Variants in CDKN2B-AS1 observed in about 807,000 individuals in gnomAD.
CDKN2B-AS1 encodes the protein CDKN2B and CDKN2A antisense cis and trans regulatory RNA 1, also known as CDKN2B antisense RNA 1 (non-protein coding).
At chr9:22,013,141 C>T (rs1042398731) in intron 1 of CDKN2B-AS1, among the ~76,000 whole-genome samples, 1 of 152,184 alleles carries the variant, frequency 6.6e-6, no homozygotes, top group Non-Finnish European at 1.5e-5. Flanking sequence ...ATTTCCTCCT[C>T]TTTTGAGGAC....
chr9:22,110,462 C>G (rs769044773), intron 4 of CDKN2B-AS1, among the ~76,000 whole-genome samples: 1 of 152,230 alleles, frequency 6.6e-6, no homozygotes, highest in South Asian at 2.1e-4. Flanking sequence ...AGATACAGTA[C>G]TTTTTGGTAT....
chr9:22,012,263 C>T, intron 1 of CDKN2B-AS1: 6 of 1,442,578 alleles, frequency 4.2e-6, no homozygotes, highest in Non-Finnish European at 5.8e-6. Flanking sequence ...GGAGGGTATC[C>T]CCCCTGACAA....
chr9:22,010,873 T>C (rs928796227), intron 1 of CDKN2B-AS1, among the ~76,000 whole-genome samples: 5 of 152,162 alleles, frequency 3.3e-5, no homozygotes, highest in Non-Finnish European at 5.9e-5. Flanking sequence ...TTTTCTTAGG[T>C]AGTAAATATG....
chr9:22,064,405 T>TG (rs1313784519), intron 4 of CDKN2B-AS1, among the ~76,000 whole-genome samples: 1 of 152,054 alleles, frequency 6.6e-6, no homozygotes, highest in Non-Finnish European at 1.5e-5. Flanking sequence ...TTATTGGGGA[T>TG]GGGGTCTTTC....
intron 1 of CDKN2B-AS1, among the ~76,000 whole-genome samples, chr9:22,027,091 C>T (rs1347229606): frequency 6.6e-6 from 1 of 151,942 alleles, no homozygotes. Flanking sequence ...TATTTAGTCA[C>T]CCCTTTCTTT....
intron 1 of CDKN2B-AS1, among the ~76,000 whole-genome samples, chr9:22,013,633 T>G (rs72693624): frequency 1.1e-3 from 168 of 152,242 alleles, no homozygotes; most frequent in Non-Finnish European, 1.9e-3. Flanking sequence ...TTTACTTTTT[T>G]GAAGAGATGA....
intron 4 of CDKN2B-AS1, among the ~76,000 whole-genome samples, chr9:22,123,474 C>T (rs1826137008): frequency 6.6e-6 from 1 of 151,974 alleles, no homozygotes; most frequent in African/African-American, 2.4e-5. Flanking sequence ...GAAATGAAAA[C>T]AGAATAAAAA....
intron 1 of CDKN2B-AS1, among the ~76,000 whole-genome samples, chr9:22,007,977 G>A (rs966816622): frequency 6.6e-6 from 1 of 152,142 alleles, no homozygotes; most frequent in Non-Finnish European, 1.5e-5. Context: ...ATAGTGAGGT[G>A]AGTACTGAAT....
chr9:22,069,535 T>C lies in CDKN2B-AS1; in HGVS notation n.438+13148T>C, dbSNP rs2131312351. 1.3e-5 allele frequency among the ~76,000 whole-genome samples: 2 copies of C among 152,340 alleles called. 1 individual carries two copies. The highest frequency in any genetic ancestry group is 4.1e-4 in the South Asian group (2 of 4,830). ...TTTTGCTTTTTATTTATTTATTTAA[T>C]AGACATTATAGTTACACATAATTAT... is the stretch of plus-strand genomic sequence containing the variant. On this transcript the variant is annotated intron_variant and non_coding_transcript_variant, in intron 4 of 4. Transcript: ENST00000650946.
chr9:22,065,545 A>AG (rs2131305417), intron 4 of CDKN2B-AS1: 1 of 152,342 alleles, frequency 6.6e-6, no homozygotes, highest in South Asian at 2.1e-4. Context: ...ATTTCTTGGA[A>AG]GGGGAAAGGA....
intron 1 of CDKN2B-AS1, among the ~76,000 whole-genome samples, chr9:22,037,032 G>A (rs888776088): frequency 3.3e-5 from 5 of 151,966 alleles, no homozygotes; most frequent in Non-Finnish European, 7.4e-5. Flanking sequence ...ATAATTGTTT[G>A]TGTACATGTC....
chr9:22,081,715 G>C (rs1299774600), intron 4 of CDKN2B-AS1, among the ~76,000 whole-genome samples: 1 of 152,138 alleles, frequency 6.6e-6, no homozygotes, highest in African/African-American at 2.4e-5. Flanking sequence ...GTGTAATCTT[G>C]AAAAAATCTC....
At chr9:22,042,322 G>A (rs1213451446) in intron 1 of CDKN2B-AS1, among the ~76,000 whole-genome samples, 1 of 152,014 alleles carries the variant, frequency 6.6e-6, no homozygotes, top group Non-Finnish European at 1.5e-5. Context: ...TAGTGAACTA[G>A]ACATTTTCTG....
chr9:22,057,479 A>G (rs1005501942), intron 4 of CDKN2B-AS1, among the ~76,000 whole-genome samples: 2 of 152,180 alleles, frequency 1.3e-5, no homozygotes, highest in Admixed American at 1.3e-4. Context: ...TCTGCTGGCC[A>G]CACTCAGGAA....
chr9:22,022,716 A>G (rs1328178899), intron 1 of CDKN2B-AS1, among the ~76,000 whole-genome samples: 1 of 152,140 alleles, frequency 6.6e-6, no homozygotes, highest in African/African-American at 2.4e-5. Context: ...GTTGCTTTAT[A>G]GTGTTACTAA....
At chr9:22,122,633 C>T (rs1164313930) in intron 4 of CDKN2B-AS1, among the ~76,000 whole-genome samples, 2 of 152,098 alleles carry the variant, frequency 1.3e-5, no homozygotes, top group African/African-American at 4.8e-5. Context: ...GTTTTCCCAG[C>T]ACCATTCGTT....
At chr9:22,029,312 G>A in intron 1 of CDKN2B-AS1, 1 of 682,044 alleles carries the variant, frequency 1.5e-6, no homozygotes, top group East Asian at 2.5e-5. Flanking sequence ...TTATCAAATA[G>A]GAGAGCCTGA....
chr9:22,026,784 G>C (rs1390175121), intron 1 of CDKN2B-AS1, among the ~76,000 whole-genome samples: 13 of 152,326 alleles, frequency 8.5e-5, no homozygotes, highest in Non-Finnish European at 1.9e-4. Context: ...GGGTCTCCAT[G>C]CATGCCTGAG....
At chr9:22,016,545 C>T (rs1336094236) in intron 1 of CDKN2B-AS1, among the ~76,000 whole-genome samples, 2 of 152,270 alleles carry the variant, frequency 1.3e-5, no homozygotes, top group Non-Finnish European at 2.9e-5. Context: ...TGACTTCAAA[C>T]TATACTACAA....
Sources: gnomAD v4.1 joint callset for allele counts (sites outside exome capture counted in the v4.1 genomes callset) on GRCh38, gnomAD v4.1.1 for gene constraint, MANE v1.5 for transcripts, NCBI Gene and HGNC (gene_info 2026-07-23, HGNC 2026-07-21) for gene names.